Variants in SIL1 observed in about 807,000 individuals in gnomAD.
SIL1 encodes the protein SIL1 nucleotide exchange factor, also known as nucleotide exchange factor SIL1.
Under a neutral mutation model 49.1 loss-of-function variants are expected in SIL1, and 40 were observed. The observed-to-expected ratio is 0.81, with a 90% CI of 0.63 to 1.06. The LOEUF (loss-of-function observed/expected upper bound fraction) is 1.06, where lower values mean the gene tolerates loss of function less well. Ranked by LOEUF, SIL1 falls within the 50% of genes least tolerant of loss-of-function variation. The probability of loss-of-function intolerance (pLI) is 0.00; values close to 1 mark genes in which losing one functional copy is unlikely to be tolerated. For synonymous variants in SIL1, 253 were observed against 250.8 expected, an observed-to-expected ratio of 1.01 and a Z score of -0.08; for missense variants, 500 against 572.6, an observed-to-expected ratio of 0.87 and a Z score of 1.29.
At chr5:139,143,499 T>C (rs1372870434) in intron 1 of SIL1, among the ~76,000 whole-genome samples, 6 of 151,782 alleles carry the variant, frequency 4.0e-5, no homozygotes, top group African/African-American at 1.2e-4. Context: ...GCCTCCCAAG[T>C]AGCTGGGATT....
chr5:139,168,844 C>A (rs925256288), intron 1 of SIL1, among the ~76,000 whole-genome samples: 5 of 151,936 alleles, frequency 3.3e-5, no homozygotes, highest in Non-Finnish European at 7.4e-5. Context: ...TGTCTGTAGT[C>A]CCAGTTACTC....
intron 3 of SIL1, among the ~76,000 whole-genome samples, chr5:139,084,152 T>G (rs1022104268): frequency 6.6e-6 from 1 of 151,924 alleles, no homozygotes; most frequent in African/African-American, 2.4e-5. Context: ...TAGGATTGAC[T>G]TGGCGATGCG....
intron 9 of SIL1, among the ~76,000 whole-genome samples, chr5:138,950,319 G>A (rs1766740074): frequency 6.6e-6 from 1 of 152,244 alleles, no homozygotes; most frequent in Admixed American, 6.5e-5. Flanking sequence ...CTGGATTTCT[G>A]CAGCTTTAAC....
At chr5:139,151,542 T>C (rs62381251) in intron 1 of SIL1, among the ~76,000 whole-genome samples, 5,396 of 152,322 alleles carry the variant, frequency 0.035, 109 homozygotes, top group African/African-American at 0.04. Flanking sequence ...GGCCTTGTGG[T>C]TTCTTTTCTA....
intron 1 of SIL1, among the ~76,000 whole-genome samples, chr5:139,152,478 G>A (rs886524659): frequency 6.6e-5 from 10 of 151,718 alleles, no homozygotes; most frequent in East Asian, 5.8e-4. Context: ...AAAATTAGCC[G>A]GGCATGGTGG....
chr5:139,003,781 T>C (rs1561823258), intron 7 of SIL1, among the ~76,000 whole-genome samples: 1 of 152,222 alleles, frequency 6.6e-6, no homozygotes, highest in Non-Finnish European at 1.5e-5. Flanking sequence ...TGCTGGCTGG[T>C]GGCCTCCTTG....
chr5:139,095,875 G>A (rs1770451634), intron 3 of SIL1, among the ~76,000 whole-genome samples: 1 of 152,098 alleles, frequency 6.6e-6, no homozygotes, highest in East Asian at 1.9e-4. Context: ...TTTAACTTTT[G>A]AGAAGACACA....
chr5:139,118,246 C>T (rs1771040043), intron 3 of SIL1, among the ~76,000 whole-genome samples: 1 of 152,190 alleles, frequency 6.6e-6, no homozygotes, highest in Non-Finnish European at 1.5e-5. Flanking sequence ...CGTAAGTTCC[C>T]TTTCCCATGT....
chr5:138,949,324 G>A (rs1766709376), intron 9 of SIL1, among the ~76,000 whole-genome samples: 1 of 152,174 alleles, frequency 6.6e-6, no homozygotes, highest in Non-Finnish European at 1.5e-5. Flanking sequence ...AGGACTGCCT[G>A]GGGCCTGGCA....
intron 9 of SIL1, among the ~76,000 whole-genome samples, chr5:138,950,797 C>T (rs1430544048): frequency 2.0e-5 from 3 of 152,174 alleles, no homozygotes; most frequent in East Asian, 1.9e-4. Context: ...TTCTAGAATC[C>T]GAAGAGTGAG....
At chr5:139,093,255 A>G (rs1770383065) in intron 3 of SIL1, among the ~76,000 whole-genome samples, 1 of 152,330 alleles carries the variant, frequency 6.6e-6, no homozygotes, top group African/African-American at 2.4e-5. Flanking sequence ...CAGCTCCTCA[A>G]ACTTGGATAT....
intron 7 of SIL1, among the ~76,000 whole-genome samples, chr5:139,001,229 C>G (rs1767978674): frequency 6.6e-6 from 1 of 152,156 alleles, no homozygotes; most frequent in South Asian, 2.1e-4. Flanking sequence ...TAGGAACCAT[C>G]AAACACAGTA....
intron 7 of SIL1, among the ~76,000 whole-genome samples, chr5:139,002,609 T>A (rs1035479309): frequency 6.6e-6 from 1 of 152,198 alleles, no homozygotes; most frequent in African/African-American, 2.4e-5. Context: ...GGGAAATATT[T>A]GCAAAACAGA....
At chr5:139,086,217 G>A (rs1770214836) in intron 3 of SIL1, among the ~76,000 whole-genome samples, 1 of 147,182 alleles carries the variant, frequency 6.8e-6, no homozygotes, top group African/African-American at 2.5e-5. Context: ...AGGCTGCAGT[G>A]AGCCATGACT....
intron 7 of SIL1, among the ~76,000 whole-genome samples, chr5:138,977,938 A>C (rs759351053): frequency 4.6e-5 from 7 of 152,188 alleles, no homozygotes; most frequent in African/African-American, 7.2e-5. Context: ...TGGCTGACTC[A>C]ATCTATATTT....
intron 3 of SIL1, among the ~76,000 whole-genome samples, chr5:139,054,161 A>C (rs955651459): frequency 1.3e-5 from 2 of 152,190 alleles, no homozygotes; most frequent in African/African-American, 4.8e-5. Context: ...CACACCTGTA[A>C]TTCCAGCACT....
At chr5:139,030,631 A>C (rs927217376) in intron 5 of SIL1, among the ~76,000 whole-genome samples, 10 of 151,340 alleles carry the variant, frequency 6.6e-5, no homozygotes, top group South Asian at 6.3e-4. Context: ...AAAAAGCAAG[A>C]AAGAAAAAAA....
At chr5:139,150,137 T>G (rs1581135104) in intron 1 of SIL1, among the ~76,000 whole-genome samples, 1 of 152,202 alleles carries the variant, frequency 6.6e-6, no homozygotes, top group Non-Finnish European at 1.5e-5. Context: ...AGAATTTGAT[T>G]TGGACTGTAT....
In SIL1 at chr5:139,153,135, A is replaced by G. The variant is rs372547714; in HGVS notation, c.-10-25282T>C. ...ACCTGGCCTAGAGTTGGTCTTATAC[A>G]ACATTTCTTACAATGCTGAAGACAT... On this transcript the variant is annotated intron_variant, in intron 1 of 9. Coordinates refer to ENST00000394817, the MANE Select transcript of SIL1 (RefSeq NM_022464.5). 1.3e-3 allele frequency among the ~76,000 whole-genome samples: 200 copies of G among 152,286 alleles called. 7 individuals carry two copies. In the South Asian group the frequency reaches 0.039, roughly 30 times the overall value.
Sources: gnomAD v4.1 joint callset for allele counts (sites outside exome capture counted in the v4.1 genomes callset) on GRCh38, gnomAD v4.1.1 for gene constraint, MANE v1.5 for transcripts, NCBI Gene and HGNC (gene_info 2026-07-23, HGNC 2026-07-21) for gene names.